Variants in SEMA3A observed in about 807,000 individuals in gnomAD.
The protein encoded by SEMA3A is semaphorin-3A.
A neutral mutation model predicts 97.9 loss-of-function variants in SEMA3A; 29 were observed. That is an observed-to-expected ratio of 0.30 (90% CI 0.22 to 0.40). The LOEUF (loss-of-function observed/expected upper bound fraction) is 0.40, where lower values mean the gene tolerates loss of function less well. Among genes scored for constraint, SEMA3A ranks in the 10% least tolerant of loss-of-function variants. The pLI is 1.00. For synonymous variants in SEMA3A, 321 were observed against 323.7 expected, an observed-to-expected ratio of 0.99 and a Z score of 0.09; for missense variants, 763 against 951.3, an observed-to-expected ratio of 0.80 and a Z score of 2.60.
At chr7:84,004,825 G>A (rs1403898414) in intron 11 of SEMA3A, among the ~76,000 whole-genome samples, 1 of 152,146 alleles carries the variant, frequency 6.6e-6, no homozygotes, top group African/African-American at 2.4e-5. Context: ...TACCTTGAAA[G>A]TAACGATAGA....
rs560180533 is a variant in SEMA3A at position 84,406,936 on chromosome 7, C to A, written c.-245-35036G>T. Among the ~76,000 whole-genome samples, 21 of 152,244 alleles carry A rather than the reference C, an allele frequency of 1.4e-4. No homozygotes were observed. In the East Asian group the frequency reaches 3.9e-3, roughly 28 times the overall value. ...AGAGTTATCTATGACAAAACCACAG[C>A]CAATATCATACTGAATGGACAAAAA... is the stretch of plus-strand genomic sequence containing the variant. On this transcript the variant is annotated intron_variant, in intron 1 of 3. Coordinates refer to the SEMA3A transcript ENST00000424555.
intron 2 of SEMA3A, among the ~76,000 whole-genome samples, chr7:84,130,202 G>A (rs1795924334): frequency 6.6e-6 from 1 of 152,010 alleles, no homozygotes; most frequent in Non-Finnish European, 1.5e-5. Flanking sequence ...ATTCATGTCT[G>A]CTGGAAAGCT....
chr7:84,260,989 T>A lies in SEMA3A; in HGVS notation c.-83+46218A>T, dbSNP rs540045986. ...GGGCCCCCCATGGCTGTCCATGGACTAATCAACATGCATTTCCTCCCTTTT... is the reference window on the plus strand; with the variant it reads ...GGGCCCCCCATGGCTGTCCATGGACAAATCAACATGCATTTCCTCCCTTTT... On this transcript the variant is annotated intron_variant, in intron 3 of 3. Coordinates refer to the SEMA3A transcript ENST00000424555. Among the ~76,000 whole-genome samples the A allele has an allele frequency of 1.5e-3, 227 of 152,244 alleles. 7 individuals carry two copies. Among genetic ancestry groups the A allele is most frequent in the Admixed American group, 0.014 (221 of 15,306 alleles).
Position 84,407,626 on chromosome 7 carries a change from G to C in SEMA3A, c.-245-35726C>G, listed in dbSNP as rs181821903. Among the ~76,000 whole-genome samples the C allele has an allele frequency of 4.4e-3, 458 of 103,780 alleles. 2 individuals are homozygous for C. The highest frequency in any genetic ancestry group is 0.015 in the African/African-American group (415 of 28,082). 68.1% of individuals were successfully genotyped at this position (103,780 alleles called of 152,430 possible). A position where few individuals can be genotyped will look rare whatever the true frequency, so the allele number is the denominator to read the frequency against. On this transcript the variant is annotated intron_variant, in intron 1 of 3. Transcript: ENST00000424555. ...AAAGAACAAAGCTGGAGGCATCACCGTACCTGACTTCAAACTATACTACAA... is the reference window on the plus strand; with the variant it reads ...AAAGAACAAAGCTGGAGGCATCACCCTACCTGACTTCAAACTATACTACAA...
rs191108093 is a variant in SEMA3A at position 84,138,746 on chromosome 7, C to T, written c.113-3795G>A. On this transcript the variant is annotated intron_variant, in intron 1 of 16. Transcript: ENST00000265362. The stretch of plus-strand genomic sequence containing the variant: ...ATCCTTTAGATGTTCTTCTCCAACA[C>T]GAGATTTTTATATTGCTTTATAACT... Among the ~76,000 whole-genome samples, 99 of 152,172 alleles carry T rather than the reference C, an allele frequency of 6.5e-4. 2 individuals are homozygous for T. In the East Asian group the frequency reaches 0.011, roughly 18 times the overall value.
intron 2 of SEMA3A, among the ~76,000 whole-genome samples, chr7:84,334,970 A>AT (rs1562907943): frequency 1.3e-5 from 2 of 152,122 alleles, no homozygotes; most frequent in East Asian, 1.9e-4. Context: ...TTATCTTGAC[A>AT]TTTTTTGTGA....
Position 84,179,798 on chromosome 7 carries a change from G to A in SEMA3A, c.112+14677C>T, listed in dbSNP as rs181814832. On this transcript the variant is annotated intron_variant, in intron 1 of 16. Coordinates refer to ENST00000265362, the MANE Select transcript of SEMA3A (RefSeq NM_006080.3). ...GAGAACAATAAGTATAGAAGCAAGA[G>A]TGTAATATTATGAAGACAAACATCA... Among the ~76,000 whole-genome samples, 216 of 151,772 alleles carry A rather than the reference G, an allele frequency of 1.4e-3. 1 individual carries two copies. The highest frequency in any genetic ancestry group is 5.1e-3 in the African/African-American group (209 of 41,336).
At chr7:84,289,390 A>G (rs1800682653) in intron 3 of SEMA3A, among the ~76,000 whole-genome samples, 1 of 152,136 alleles carries the variant, frequency 6.6e-6, no homozygotes, top group African/African-American at 2.4e-5. Context: ...ACATAAAGAA[A>G]TGATAACTGT....
chr7:84,425,343 A>G (rs1467330543), intron 1 of SEMA3A, among the ~76,000 whole-genome samples: 1 of 113,318 alleles, frequency 8.8e-6, no homozygotes, highest in Non-Finnish European at 1.8e-5. Context: ...TAATATATTG[A>G]TATAAATATA....
At chr7:84,105,956 T>C (rs1324414023) in intron 4 of SEMA3A, among the ~76,000 whole-genome samples, 1 of 152,154 alleles carries the variant, frequency 6.6e-6, no homozygotes, top group Non-Finnish European at 1.5e-5. Context: ...TGTCAAGTGT[T>C]ATTGGAAGAT....
intron 3 of SEMA3A, among the ~76,000 whole-genome samples, chr7:84,213,223 C>T (rs1798673998): frequency 1.3e-5 from 2 of 151,994 alleles, no homozygotes; most frequent in Admixed American, 6.6e-5. Flanking sequence ...GTGATCCACC[C>T]GCCTCAGCCT....
At chr7:84,184,329 T>C (rs1349650915) in intron 1 of SEMA3A, among the ~76,000 whole-genome samples, 2 of 152,148 alleles carry the variant, frequency 1.3e-5, no homozygotes, top group Admixed American at 1.3e-4. Flanking sequence ...ACTAGGCACC[T>C]TGGGAAGTAA....
chr7:84,207,026 A>G (rs558108999), intron 3 of SEMA3A, among the ~76,000 whole-genome samples: 1 of 152,340 alleles, frequency 6.6e-6, no homozygotes, highest in Non-Finnish European at 1.5e-5. Flanking sequence ...GATTATCACT[A>G]TTAGTTAAAT....
intron 1 of SEMA3A, among the ~76,000 whole-genome samples, chr7:84,169,617 A>G (rs1797323878): frequency 6.6e-6 from 1 of 150,878 alleles, no homozygotes; most frequent in South Asian, 2.1e-4. Flanking sequence ...AGATGGAATA[A>G]TTTTTCCAGA....
chr7:84,382,601 G>C (rs1803290636), intron 1 of SEMA3A, among the ~76,000 whole-genome samples: 1 of 147,956 alleles, frequency 6.8e-6, no homozygotes, highest in African/African-American at 2.5e-5. Context: ...GCTCACGCCT[G>C]TAATCCCAGT....
intron 1 of SEMA3A, among the ~76,000 whole-genome samples, chr7:84,380,150 T>G (rs1223174975): frequency 6.6e-6 from 1 of 152,148 alleles, no homozygotes; most frequent in Non-Finnish European, 1.5e-5. Flanking sequence ...ATTATTTACA[T>G]CATAACAAAG....
rs4606003 is a variant in SEMA3A at position 83,991,050 on chromosome 7, T to C, written c.1453-5573A>G. Among the ~76,000 whole-genome samples, 17 of 148,218 alleles carry C rather than the reference T, an allele frequency of 1.1e-4. No homozygotes were observed. In the Admixed American group the frequency reaches 1.1e-3, roughly 10 times the overall value. On this transcript the variant is annotated intron_variant, in intron 12 of 16. Coordinates refer to ENST00000265362, the MANE Select transcript of SEMA3A (RefSeq NM_006080.3). ...GGTCCTTCACATCCCTTGTAAGTTG[T>C]ATTCCTAGGTATTTTATTCTCTTTG...
chr7:83,979,133 CTTTT>C (rs761341563), intron 14 of SEMA3A, among the ~76,000 whole-genome samples: 1 of 134,384 alleles, frequency 7.4e-6, no homozygotes, highest in South Asian at 2.4e-4. Context: ...ACGAATTCCA[CTTTT>C]TTTTTTTTTT....
At chr7:84,312,917 TATATACACAC>T (rs1396962254) in intron 2 of SEMA3A, among the ~76,000 whole-genome samples, 4 of 38,264 alleles carry the variant, frequency 1.0e-4, no homozygotes, top group Non-Finnish European at 2.7e-4. Flanking sequence ...TATATATATA[TATATACACAC>T]ACACACACAC....
Sources: gnomAD v4.1 joint callset for allele counts (sites outside exome capture counted in the v4.1 genomes callset) on GRCh38, gnomAD v4.1.1 for gene constraint, MANE v1.5 for transcripts, NCBI Gene and HGNC (gene_info 2026-07-23, HGNC 2026-07-21) for gene names.